CSMD3: variants seen among roughly 807,000 people sequenced by gnomAD.
The protein encoded by CSMD3 is CUB and Sushi multiple domains 3, also known as CUB and sushi domain-containing protein 3.
Under a neutral mutation model 435.2 loss-of-function variants are expected in CSMD3, and 177 were observed. The ratio of observed to expected loss-of-function variants is 0.41; its 90% CI spans 0.36 to 0.46. The LOEUF (loss-of-function observed/expected upper bound fraction) is 0.46, where lower values mean the gene tolerates loss of function less well. CSMD3 is among the 20% of genes least tolerant of loss of function. CSMD3 has a pLI of 0.34. For missense variants in CSMD3, 4,265 were observed against 4,504.6 expected (o/e 0.95, Z 1.52); for synonymous variants, 1,656 against 1,520.5 (o/e 1.09, Z -2.07).
At chr8:112,233,878 T>A (rs80038014) in intron 68 of CSMD3, among the ~76,000 whole-genome samples, 1 of 152,294 alleles carries the variant, frequency 6.6e-6, no homozygotes, top group Non-Finnish European at 1.5e-5. Context: ...TTTCATGGAC[T>A]TTATATATAA....
chr8:112,692,851 C>T (rs938648015), intron 13 of CSMD3, among the ~76,000 whole-genome samples: 2 of 151,920 alleles, frequency 1.3e-5, no homozygotes, highest in Non-Finnish European at 2.9e-5. Flanking sequence ...TATAATTCTT[C>T]TATTTTATTT....
At chr8:113,325,682 A>G (rs2093979137) in intron 1 of CSMD3, among the ~76,000 whole-genome samples, 1 of 152,184 alleles carries the variant, frequency 6.6e-6, no homozygotes, top group African/African-American at 2.4e-5. Context: ...AAAGAGTTCT[A>G]TATGCAGTCA....
At chr8:113,284,883 C>T (rs992741594) in intron 2 of CSMD3, among the ~76,000 whole-genome samples, 1 of 152,094 alleles carries the variant, frequency 6.6e-6, no homozygotes, top group African/African-American at 2.4e-5. Context: ...GAAAATTGTA[C>T]CACAGTCCAG....
At position 112,411,669 on chromosome 8, in the gene CSMD3, T is replaced by C. The variant is rs189969910; in HGVS notation, c.5396-2637A>G. ...TCATTAAACTGATATATTATAATAATGAACCTAATACTCCCAGTCAGAAGT... is the reference window on the plus strand; with the variant it reads ...TCATTAAACTGATATATTATAATAACGAACCTAATACTCCCAGTCAGAAGT... On this transcript the variant is annotated intron_variant, in intron 32 of 70. Transcript: ENST00000297405. Among the ~76,000 whole-genome samples the C allele has an allele frequency of 2.2e-3, 339 of 152,214 alleles. 1 individual carries two copies. The highest frequency in any genetic ancestry group is 6.7e-3 in the African/African-American group (280 of 41,580).
In CSMD3 at chr8:113,313,604, C is replaced by T. The variant is rs564941770; in HGVS notation, c.401+967G>A. The T allele has an allele frequency of 1.4e-4, 21 of 152,260 alleles. No individual in the cohort carries two copies. The East Asian group carries it at 3.9e-3, about 28-fold the overall frequency. The allele number at this position is 152,260 out of a possible 1,614,324, so 9.4% of individuals were successfully genotyped here. On this transcript the variant is annotated intron_variant, in intron 2 of 70. Transcript: ENST00000297405. ...GACTGATGAAACTGTAAAAAGTTAG[C>T]ACTGATAATCTGCTTCTTGTACATT...
intron 1 of CSMD3, among the ~76,000 whole-genome samples, chr8:113,355,722 T>TTATATA (rs1299902928): frequency 4.4e-4 from 34 of 77,782 alleles, no homozygotes; most frequent in Non-Finnish European, 8.2e-4. Flanking sequence ...AGTTTTATTT[T>TTATATA]TATATATATA....
chr8:112,491,000 T>C (rs1433055379), intron 31 of CSMD3, among the ~76,000 whole-genome samples: 3 of 152,146 alleles, frequency 2.0e-5, no homozygotes, highest in Non-Finnish European at 4.4e-5. Context: ...GTTCTGGTAA[T>C]GATGGACCAA....
chr8:112,407,623 A>G (rs1026640584), intron 34 of CSMD3, among the ~76,000 whole-genome samples: 20 of 152,044 alleles, frequency 1.3e-4, no homozygotes, highest in African/African-American at 4.8e-4. Context: ...ATTATAGTCA[A>G]CTGATAAATG....
At chr8:112,591,736 G>T (rs186740116) in intron 22 of CSMD3, among the ~76,000 whole-genome samples, 1 of 151,876 alleles carries the variant, frequency 6.6e-6, no homozygotes, top group South Asian at 2.1e-4. Context: ...ATTATTACCA[G>T]AAGAAAAATA....
intron 2 of CSMD3, among the ~76,000 whole-genome samples, chr8:113,305,814 C>T (rs1187485576): frequency 6.6e-6 from 1 of 152,166 alleles, no homozygotes; most frequent in Non-Finnish European, 1.5e-5. Context: ...CATTAACTGC[C>T]TAAGATGCAT....
At chr8:113,259,883 C>T (rs2093413184) in intron 3 of CSMD3, among the ~76,000 whole-genome samples, 1 of 151,962 alleles carries the variant, frequency 6.6e-6, no homozygotes, top group Non-Finnish European at 1.5e-5. Context: ...AATTGTAGTT[C>T]CCATAATCCC....
chr8:113,136,387 C>T (rs1190136057), intron 4 of CSMD3, among the ~76,000 whole-genome samples: 1 of 151,578 alleles, frequency 6.6e-6, no homozygotes, highest in Non-Finnish European at 1.5e-5. Context: ...CTAATGGCTA[C>T]CATATTAGGC....
intron 3 of CSMD3, among the ~76,000 whole-genome samples, chr8:113,258,681 A>G (rs911664818): frequency 1.4e-4 from 22 of 152,276 alleles, no homozygotes; most frequent in African/African-American, 5.1e-4. Flanking sequence ...TTAAATAAGC[A>G]TATGTCTCAA....
At chr8:112,661,268 G>C (rs1166118461) in intron 17 of CSMD3, among the ~76,000 whole-genome samples, 1 of 152,134 alleles carries the variant, frequency 6.6e-6, no homozygotes, top group East Asian at 1.9e-4. Context: ...TCACCAGAAA[G>C]TCAGGTTTGA....
At chr8:112,443,601 G>T (rs182084995) in intron 32 of CSMD3, among the ~76,000 whole-genome samples, 1 of 151,740 alleles carries the variant, frequency 6.6e-6, no homozygotes, top group Non-Finnish European at 1.5e-5. Flanking sequence ...ATGTTTTTTT[G>T]GTTCATTTGT....
chr8:112,396,198 A>T (rs1471957152), intron 35 of CSMD3, among the ~76,000 whole-genome samples: 1 of 152,156 alleles, frequency 6.6e-6, no homozygotes, highest in African/African-American at 2.4e-5. Context: ...AACTGAAATG[A>T]TACAATTGAG....
At chr8:113,071,971 T>A (rs887699235) in intron 5 of CSMD3, among the ~76,000 whole-genome samples, 3 of 151,850 alleles carry the variant, frequency 2.0e-5, no homozygotes, top group Non-Finnish European at 4.4e-5. Flanking sequence ...TTTATCTGTG[T>A]CTTCTTTAAT....
intron 3 of CSMD3, among the ~76,000 whole-genome samples, chr8:113,181,961 A>G (rs913578906): frequency 6.6e-6 from 1 of 152,100 alleles, no homozygotes; most frequent in Non-Finnish European, 1.5e-5. Context: ...TAAGCCGATC[A>G]TGGATAATTT....
chr8:112,599,532 G>A (rs1171352461), intron 22 of CSMD3, among the ~76,000 whole-genome samples: 1 of 151,948 alleles, frequency 6.6e-6, no homozygotes, highest in Non-Finnish European at 1.5e-5. Flanking sequence ...TACACACAAA[G>A]GACTATAAAT....
Sources: allele counts gnomAD v4.1 joint callset (sites outside exome capture counted in the v4.1 genomes callset), GRCh38; gene constraint gnomAD v4.1.1; transcripts MANE v1.5; gene names NCBI Gene and HGNC (gene_info 2026-07-23, HGNC 2026-07-21).